NUSAP1: variants seen among roughly 807,000 people sequenced by gnomAD.
NUSAP1 encodes the protein nucleolar and spindle-associated protein 1.
Under a neutral mutation model 52.8 loss-of-function variants are expected in NUSAP1, and 32 were observed. That is an observed-to-expected ratio of 0.61 (90% confidence interval 0.46 to 0.81). NUSAP1 has a LOEUF of 0.81. NUSAP1 is among the 40% of genes least tolerant of loss of function. NUSAP1 has a pLI of 0.00. For missense variants in NUSAP1, 499 were observed against 522.3 expected, an observed-to-expected ratio of 0.96 and a Z score of 0.43; for synonymous variants, 195 against 183.1, an observed-to-expected ratio of 1.06 and a Z score of -0.52.
intron 2 of NUSAP1, chr15:41,345,456 AT>A (rs922410695): frequency 7.3e-6 from 3 of 410,816 alleles, no homozygotes; most frequent in South Asian, 1.7e-5. Flanking sequence ...ATGATCACCT[AT>A]TTTTTTCTTT....
At chr15:41,336,656 T>TTTTTG (rs1555426240) in intron 1 of NUSAP1, among the ~76,000 whole-genome samples, 5 of 110,376 alleles carry the variant, frequency 4.5e-5, no homozygotes, top group African/African-American at 1.6e-4. Flanking sequence ...TGGTTTTTTT[T>TTTTTG]TTTTTTTTTT....
At chr15:41,379,921 C>T (rs753921156) in intron 10 of NUSAP1, among the ~76,000 whole-genome samples, 172 bp from the exon 11 acceptor site, 26 of 152,076 alleles carry the variant, frequency 1.7e-4, no homozygotes, top group African/African-American at 5.3e-4. Context: ...ACAACAATGA[C>T]GAACAGGTGT....
chr15:41,371,684 G>C lies in NUSAP1; in HGVS notation c.1006G>C (p.Val336Leu), dbSNP rs2049698199. 1 of 1,567,286 alleles carries C rather than the reference G, an allele frequency of 6.4e-7. No homozygotes were observed. The highest frequency in any genetic ancestry group is 8.6e-7 in the Non-Finnish European group (1 of 1,166,012). Residue 336 changes from valine (V) to leucine (L), a missense_variant and splice_region_variant, in exon 8 of 11, where the codon GTT becomes CTT. Coordinates refer to ENST00000559596, the MANE Select transcript of NUSAP1 (RefSeq NM_016359.5). ...LKTITGNSAA[V>L]ITPFKLTTEA... Reference sequence around the variant, plus strand: ...GACCATCACGGGGAATTCTGCTGCTGGTAAAAAAAAAAAAAAACAAAAGAA... The same window carrying C: ...GACCATCACGGGGAATTCTGCTGCTCGTAAAAAAAAAAAAAAACAAAAGAA...
chr15:41,354,793 C>G (rs946211283), intron 4 of NUSAP1, among the ~76,000 whole-genome samples: 1 of 151,086 alleles, frequency 6.6e-6, no homozygotes, highest in Non-Finnish European at 1.5e-5. Context: ...TTGAGGCAGG[C>G]AGATCACAAG....
At position 41,378,944 on chromosome 15, in the gene NUSAP1, G is replaced by GGTTTTTTT. The variant is rs1253258207; in HGVS notation, c.1233-1149_1233-1148insGTTTTTTT. Among the ~76,000 whole-genome samples the GGTTTTTTT allele has an allele frequency of 1.1e-4, 7 of 63,256 alleles. 1 individual carries two copies. The highest frequency in any genetic ancestry group is 4.2e-4 in the African/African-American group (6 of 14,274). 41.5% of individuals were successfully genotyped at this position (63,256 alleles called of 152,430 possible). ...CCCAAGATTATATTAACTTATCTTG[G>GGTTTTTTT]TTTTTTTTTTTTTTTTTTTTTTTTT... On this transcript the variant is annotated intron_variant, in intron 10 of 10. Transcript: ENST00000559596.
intron 4 of NUSAP1, among the ~76,000 whole-genome samples, chr15:41,353,765 A>G (rs2048860984): frequency 6.6e-6 from 1 of 152,218 alleles, no homozygotes; most frequent in African/African-American, 2.4e-5. Flanking sequence ...ATAGCTCTAT[A>G]GCATATTATA....
At chr15:41,373,074 C>A (rs898901417) in intron 8 of NUSAP1, among the ~76,000 whole-genome samples, 6 of 151,202 alleles carry the variant, frequency 4.0e-5, no homozygotes, top group Admixed American at 6.6e-5. Context: ...CTGGGCAACA[C>A]AGTGAAACCC....
chr15:41,336,422 T>G (rs1051417186), intron 1 of NUSAP1, among the ~76,000 whole-genome samples: 4 of 151,752 alleles, frequency 2.6e-5, no homozygotes, highest in African/African-American at 9.7e-5. Flanking sequence ...TCACTTCCTT[T>G]CTTGCGAGCT....
chr15:41,337,264 G>A (rs113311851), intron 1 of NUSAP1, among the ~76,000 whole-genome samples: 89 of 152,030 alleles, frequency 5.9e-4, no homozygotes, highest in African/African-American at 1.8e-3. Flanking sequence ...AGCGATCCTC[G>A]CGCCTTGGCC....
chr15:41,334,163 G>T (rs1206972651), intron 1 of NUSAP1, among the ~76,000 whole-genome samples: 1 of 152,154 alleles, frequency 6.6e-6, no homozygotes, highest in Non-Finnish European at 1.5e-5. Flanking sequence ...CTGTCGCCCA[G>T]GCTGGAGTGC....
intron 9 of NUSAP1, 96 bp downstream of exon 9, chr15:41,375,924 G>C (rs1195384879): frequency 2.5e-6 from 2 of 785,174 alleles, no homozygotes; most frequent in Non-Finnish European, 4.3e-6. Context: ...AAATTAGCCA[G>C]GCGTGGTGGC....
intron 10 of NUSAP1, among the ~76,000 whole-genome samples, chr15:41,379,372 C>A (rs940948110): frequency 6.6e-6 from 1 of 151,530 alleles, no homozygotes; most frequent in African/African-American, 2.4e-5. Context: ...TCATAGCTTA[C>A]TTTGGCCTTG....
chr15:41,373,607 G>A (rs1213209019), intron 8 of NUSAP1, among the ~76,000 whole-genome samples: 1 of 150,680 alleles, frequency 6.6e-6, no homozygotes, highest in Non-Finnish European at 1.5e-5. Context: ...CCGCCACCAC[G>A]CCCGGCTAAT....
chr15:41,366,048 A>C (rs1268011256), intron 7 of NUSAP1, among the ~76,000 whole-genome samples: 1 of 151,740 alleles, frequency 6.6e-6, no homozygotes, highest in Non-Finnish European at 1.5e-5. Flanking sequence ...CATATATTGT[A>C]TTGTAGTCAG....
intron 4 of NUSAP1, among the ~76,000 whole-genome samples, chr15:41,354,964 G>A (rs2048910307): frequency 6.6e-6 from 1 of 150,410 alleles, no homozygotes; most frequent in Admixed American, 6.6e-5. Context: ...AGCTTGCAGT[G>A]AGCCGAGATC....
At chr15:41,351,518 G>A (rs1027793674) in intron 4 of NUSAP1, among the ~76,000 whole-genome samples, 1 of 152,188 alleles carries the variant, frequency 6.6e-6, no homozygotes, top group Non-Finnish European at 1.5e-5. Flanking sequence ...AAGCATAGTG[G>A]CTGGTGCCTA....
chr15:41,334,098 A>T (rs2048026207), intron 1 of NUSAP1, among the ~76,000 whole-genome samples: 1 of 142,532 alleles, frequency 7.0e-6, no homozygotes. Flanking sequence ...CAATCGTCAC[A>T]ATTTTTTTTT....
chr15:41,349,034 T>C, intron 2 of NUSAP1, 64 bp from the exon 3 acceptor site: 1 of 1,487,952 alleles, frequency 6.7e-7, no homozygotes. Flanking sequence ...GTCTCAATTC[T>C]GATTCTTCCT....
At chr15:41,335,509 A>C (rs2048087570) in intron 1 of NUSAP1, among the ~76,000 whole-genome samples, 1 of 138,304 alleles carries the variant, frequency 7.2e-6, no homozygotes. Flanking sequence ...TATTTAGTAT[A>C]GATATACTAT....
Sources: allele counts gnomAD v4.1 joint callset (sites outside exome capture counted in the v4.1 genomes callset), GRCh38; gene constraint gnomAD v4.1.1; transcripts MANE v1.5; gene names NCBI Gene and HGNC (gene_info 2026-07-23, HGNC 2026-07-21).